Variants in SLC39A11 observed in about 807,000 individuals in gnomAD.
SLC39A11 encodes the protein solute carrier family 39 member 11, also known as zinc transporter ZIP11.
Under a neutral mutation model 36.1 loss-of-function variants are expected in SLC39A11, and 33 were observed. That is an observed-to-expected ratio of 0.91 (90% CI 0.69 to 1.22). SLC39A11 has a LOEUF of 1.22. SLC39A11 is among the 50% of genes most tolerant of loss of function. SLC39A11 has a pLI of 0.00. For synonymous variants in SLC39A11, 166 were observed against 170.3 expected (o/e 0.97, Z 0.20); for missense variants, 432 against 430.3 (o/e 1.00, Z -0.03).
intron 6 of SLC39A11, among the ~76,000 whole-genome samples, chr17:72,759,858 G>A (rs1295983228): frequency 2.6e-5 from 4 of 152,160 alleles, no homozygotes; most frequent in Admixed American, 2.6e-4. Context: ...AGACAGGTGA[G>A]CAGCTCTGGG....
chr17:72,896,250 G>A (rs2082025119), intron 5 of SLC39A11, among the ~76,000 whole-genome samples: 2 of 133,614 alleles, frequency 1.5e-5, no homozygotes, highest in African/African-American at 2.9e-5. Flanking sequence ...CACCCAGGCT[G>A]GAGTTCAGTG....
chr17:72,729,457 A>ATTTTT (rs55729197), intron 7 of SLC39A11, among the ~76,000 whole-genome samples: 8 of 7,234 alleles, frequency 1.1e-3, no homozygotes, highest in Non-Finnish European at 1.9e-3. Context: ...ATATATATAT[A>ATTTTT]TTTTTTTTTT....
intron 5 of SLC39A11, among the ~76,000 whole-genome samples, chr17:72,892,079 A>G (rs1199324050): frequency 2.0e-5 from 3 of 152,084 alleles, no homozygotes; most frequent in Non-Finnish European, 2.9e-5. Context: ...GAACTTCCCT[A>G]GCAATATAAG....
chr17:72,874,708 C>T (rs913908223), intron 5 of SLC39A11, among the ~76,000 whole-genome samples: 3 of 152,120 alleles, frequency 2.0e-5, no homozygotes, highest in East Asian at 1.9e-4. Context: ...GAAAAATGAG[C>T]AGAAGTATCC....
chr17:73,055,688 G>A (rs544525043), intron 3 of SLC39A11, among the ~76,000 whole-genome samples: 1 of 152,208 alleles, frequency 6.6e-6, no homozygotes, highest in South Asian at 2.1e-4. Flanking sequence ...GCCCAGGTTG[G>A]TCTTGAACTC....
intron 6 of SLC39A11, 83 bp downstream of exon 6, chr17:72,849,551 T>G: frequency 1.4e-6 from 2 of 1,382,034 alleles, no homozygotes; most frequent in South Asian, 1.8e-5. Context: ...AATTGCCCCT[T>G]CCCCTTTTCC....
intron 7 of SLC39A11, among the ~76,000 whole-genome samples, chr17:72,694,722 T>C (rs1329174312): frequency 6.6e-6 from 1 of 152,162 alleles, no homozygotes; most frequent in Non-Finnish European, 1.5e-5. Flanking sequence ...TCTACCACAA[T>C]CCAAAATAGC....
chr17:73,084,919 A>C (rs2060670053), intron 2 of SLC39A11, 73 bp from the exon 3 acceptor site: 1 of 1,520,216 alleles, frequency 6.6e-7, no homozygotes, highest in Non-Finnish European at 9.1e-7. Context: ...AGAAGAAACC[A>C]TAAGGCCCAA....
At chr17:72,833,813 C>G (rs1246445687) in intron 6 of SLC39A11, among the ~76,000 whole-genome samples, 1 of 152,174 alleles carries the variant, frequency 6.6e-6, no homozygotes, top group East Asian at 1.9e-4. Context: ...GCCTGCTACA[C>G]AAGTCCCGGC....
intron 7 of SLC39A11, among the ~76,000 whole-genome samples, chr17:72,665,787 TTCTTTCTTTC>T (rs1230859023): frequency 3.9e-5 from 6 of 152,106 alleles, no homozygotes; most frequent in East Asian, 3.8e-4. Flanking sequence ...CTCTTTCTTT[TTCTTTCTTTC>T]TCTTTCTTTT....
chr17:72,787,839 C>T lies in SLC39A11; in HGVS notation c.602-51120G>A, dbSNP rs527622070. On this transcript the variant is annotated intron_variant, in intron 6 of 9. Transcript: ENST00000255559. The stretch of plus-strand genomic sequence containing the variant: ...TTTCCTCCTGGGATGCACATTCACC[C>T]CAGCTGACTCTCCCCCTCCTTCCCT... Among the ~76,000 whole-genome samples the T allele has an allele frequency of 8.0e-4, 122 of 152,262 alleles. 1 individual carries two copies. Among genetic ancestry groups the T allele is most frequent in the Non-Finnish European group, 1.4e-3 (93 of 68,006 alleles).
In SLC39A11 at chr17:72,871,064, T is replaced by G. The variant is rs533867849; in HGVS notation, c.431-21260A>C. 2.2e-4 allele frequency among the ~76,000 whole-genome samples: 34 copies of G among 151,202 alleles called. No homozygotes were observed. The South Asian group carries it at 2.7e-3, about 12-fold the overall frequency. On this transcript the variant is annotated intron_variant, in intron 5 of 9. Transcript: ENST00000255559. ...TTGTTTGTTTTGTTTTTGTTTTTTT[T>G]TTTTTTTTGGTTTTTCTGAGACAGA... is the stretch of plus-strand genomic sequence containing the variant.
At position 73,031,731 on chromosome 17, in the gene SLC39A11, G is replaced by C; in HGVS notation, c.148-17C>G. 6.2e-7 allele frequency: 1 copy of C among 1,612,190 alleles called. No individual in the cohort carries two copies. Among genetic ancestry groups the C allele is most frequent in the Non-Finnish European group, 8.5e-7 (1 of 1,179,498 alleles). On this transcript the variant is annotated splice_polypyrimidine_tract_variant and intron_variant, in intron 3 of 9. Coordinates refer to ENST00000255559, the MANE Select transcript of SLC39A11 (RefSeq NM_139177.4). The stretch of plus-strand genomic sequence containing the variant: ...CAACATGACCTACAAAAACCACAAC[G>C]AGAGATAAACGTTAAAGCAACTGCA...
At chr17:72,851,982 C>T (rs1290395540) in intron 5 of SLC39A11, among the ~76,000 whole-genome samples, 1 of 151,880 alleles carries the variant, frequency 6.6e-6, no homozygotes, top group East Asian at 1.9e-4. Flanking sequence ...GCAGGCGGAT[C>T]ATGAGGTCAG....
At position 72,900,217 on chromosome 17, in the gene SLC39A11, GAAA is replaced by G. The variant is rs1567913282; in HGVS notation, c.430+47532_430+47534del. Among the ~76,000 whole-genome samples the G allele has an allele frequency of 4.2e-4, 45 of 107,402 alleles. 1 individual carries two copies. The highest frequency in any genetic ancestry group is 8.4e-4 in the Non-Finnish European group (42 of 49,918). The allele number at this position is 107,402 out of a possible 152,430, so 70.5% of individuals were successfully genotyped here. On this transcript the variant is annotated intron_variant, in intron 5 of 9. Transcript: ENST00000255559. ...AGAAAGAAAGAAAGAAAGAAAGAAA[GAAA>G]GAAAGAAAGAAAAAGACAGCAAGGC...
At chr17:72,683,477 A>G (rs529241646) in intron 7 of SLC39A11, among the ~76,000 whole-genome samples, 196 of 151,806 alleles carry the variant, frequency 1.3e-3, no homozygotes, top group African/African-American at 4.3e-3. Context: ...CTGGGACTAC[A>G]TGCACACACC....
intron 1 of SLC39A11, among the ~76,000 whole-genome samples, chr17:73,090,828 CTGAG>C (rs1270486325): frequency 6.6e-6 from 1 of 152,116 alleles, no homozygotes; most frequent in Non-Finnish European, 1.5e-5. Flanking sequence ...GAGCACCCTC[CTGAG>C]TAAGAAAAAG....
chr17:72,963,959 C>T (rs959913549), intron 4 of SLC39A11, among the ~76,000 whole-genome samples: 3 of 152,052 alleles, frequency 2.0e-5, no homozygotes, highest in Non-Finnish European at 4.4e-5. Flanking sequence ...ATCCTTATAC[C>T]AACACAGCTG....
intron 7 of SLC39A11, among the ~76,000 whole-genome samples, chr17:72,679,321 G>T (rs1028649071): frequency 3.3e-5 from 5 of 152,198 alleles, no homozygotes; most frequent in African/African-American, 7.2e-5. Flanking sequence ...GCTGTGATGG[G>T]TATCTCAGTT....
Sources: gnomAD v4.1 joint callset for allele counts (sites outside exome capture counted in the v4.1 genomes callset) on GRCh38, gnomAD v4.1.1 for gene constraint, MANE v1.5 for transcripts, NCBI Gene and HGNC (gene_info 2026-07-23, HGNC 2026-07-21) for gene names.